The following KDM4C variants were observed in gnomAD, a reference collection of about 807,000 sequenced individuals.
The protein encoded by KDM4C is lysine-specific demethylase 4C.
Under a neutral mutation model 129.3 loss-of-function variants are expected in KDM4C, and 81 were observed. The ratio of observed to expected loss-of-function variants is 0.63; its 90% CI spans 0.52 to 0.75. The LOEUF is 0.75. KDM4C is among the 30% of genes least tolerant of loss of function. The pLI, the probability that KDM4C is intolerant of heterozygous loss-of-function variation, is 0.00. For synonymous variants in KDM4C, 573 were observed against 456.1 expected, an observed-to-expected ratio of 1.26 and a Z score of -3.26; for missense variants, 1,457 against 1,304.0, an observed-to-expected ratio of 1.12 and a Z score of -1.81.
At chr9:7,142,897 T>C (rs1263700236) in intron 19 of KDM4C, among the ~76,000 whole-genome samples, 1 of 152,188 alleles carries the variant, frequency 6.6e-6, no homozygotes, top group Non-Finnish European at 1.5e-5. Context: ...TTCATTTGAA[T>C]GCACCTGGCA....
intron 20 of KDM4C, among the ~76,000 whole-genome samples, chr9:7,165,676 G>A (rs532594595): frequency 1.5e-4 from 23 of 152,190 alleles, no homozygotes; most frequent in Admixed American, 5.2e-4. Context: ...CTAGTTGGCC[G>A]ATTCATCTAA....
intron 8 of KDM4C, among the ~76,000 whole-genome samples, chr9:6,901,635 TAGAA>T (rs1817429936): frequency 6.6e-6 from 1 of 152,180 alleles, no homozygotes. Flanking sequence ...GGCCAACTGT[TAGAA>T]AGGCTGGAAA....
At chr9:6,966,603 G>T (rs368320910) in intron 8 of KDM4C, among the ~76,000 whole-genome samples, 10 of 152,306 alleles carry the variant, frequency 6.6e-5, no homozygotes, top group African/African-American at 2.4e-4. Flanking sequence ...GAATAAATCT[G>T]TATGTAGATC....
intron 17 of KDM4C, among the ~76,000 whole-genome samples, chr9:7,097,314 C>T (rs139144756): frequency 1.4e-4 from 21 of 152,350 alleles, no homozygotes; most frequent in African/African-American, 5.0e-4. Flanking sequence ...AGCATCTAAA[C>T]TCCGAGAAAT....
intron 8 of KDM4C, among the ~76,000 whole-genome samples, chr9:6,915,292 G>C (rs1820100807): frequency 6.6e-6 from 1 of 152,160 alleles, no homozygotes; most frequent in African/African-American, 2.4e-5. Flanking sequence ...AAGAGAGTTT[G>C]TTTTAGGTGC....
intron 18 of KDM4C, among the ~76,000 whole-genome samples, chr9:7,113,361 T>C (rs987039332): frequency 3.3e-5 from 5 of 152,230 alleles, no homozygotes; most frequent in African/African-American, 4.8e-5. Context: ...TCAGAACCTA[T>C]CTTTCTCTTA....
At chr9:6,975,210 G>T (rs1393263284) in intron 8 of KDM4C, among the ~76,000 whole-genome samples, 1 of 152,168 alleles carries the variant, frequency 6.6e-6, no homozygotes, top group African/African-American at 2.4e-5. Context: ...AGAAGTGGGA[G>T]GAGGGAAAGA....
upstream of KDM4C, among the ~76,000 whole-genome samples, chr9:6,753,109 G>A (rs1255661019): frequency 6.6e-6 from 1 of 152,150 alleles, no homozygotes; most frequent in Non-Finnish European, 1.5e-5. Context: ...TACCCCAATG[G>A]ATGGTTTGGT....
At chr9:7,153,089 A>T (rs1298729634) in intron 19 of KDM4C, among the ~76,000 whole-genome samples, 1 of 152,162 alleles carries the variant, frequency 6.6e-6, no homozygotes, top group Non-Finnish European at 1.5e-5. Flanking sequence ...AGAATTACTC[A>T]TAAAAATACT....
intron 1 of KDM4C, among the ~76,000 whole-genome samples, chr9:6,743,732 C>G (rs1442713734): frequency 6.6e-6 from 1 of 152,088 alleles, no homozygotes; most frequent in Non-Finnish European, 1.5e-5. Flanking sequence ...GTTTGGAACT[C>G]CTGGTCTCAA....
In KDM4C at chr9:7,013,989, C is replaced by T. The variant is rs776351428; in HGVS notation, c.2170C>T (p.Arg724Trp). ...LLISCAKCCV[R>W]VHASCYGIPS... ...TATTTCCTGTGCAAAGTGCTGCGTA[C>T]GGGTTCATGCAAGTAAATGGATCTA... The change falls in exon 14 of 22, where the codon CGG (arginine) becomes TGG (tryptophan). Residue 724 changes from arginine to tryptophan, a missense_variant. Physicochemically the swap from Arg to Trp is moderately radical, Grantham distance 101. Transcript: ENST00000381309. The T allele has an allele frequency of 6.8e-6, 11 of 1,611,922 alleles. No individual in the cohort carries two copies. Among genetic ancestry groups the T allele is most frequent in the African/African-American group, 1.3e-5 (1 of 74,816 alleles).
At chr9:6,979,325 A>G (rs773616211) in intron 8 of KDM4C, among the ~76,000 whole-genome samples, 1 of 152,206 alleles carries the variant, frequency 6.6e-6, no homozygotes, top group Non-Finnish European at 1.5e-5. Flanking sequence ...TTAGGTTCAG[A>G]GGAACAGTTG....
Position 6,910,161 on chromosome 9 carries a change from C to T in KDM4C, c.921+16929C>T, listed in dbSNP as rs142356432. 3.0e-3 allele frequency among the ~76,000 whole-genome samples: 462 copies of T among 152,146 alleles called. 1 individual carries two copies. Among genetic ancestry groups the T allele is most frequent in the African/African-American group, 0.011 (437 of 41,506 alleles). ...TGGTATGCTGCATGGTTTTTACCTT[C>T]AGATGCCATGAGGTTATGAGTTACT... is the stretch of plus-strand genomic sequence containing the variant. On this transcript the variant is annotated intron_variant, in intron 8 of 21. Coordinates refer to ENST00000381309, the MANE Select transcript of KDM4C (RefSeq NM_015061.6).
intron 15 of KDM4C, among the ~76,000 whole-genome samples, chr9:7,045,519 C>T (rs1311212196): frequency 1.3e-5 from 2 of 151,908 alleles, no homozygotes; most frequent in Non-Finnish European, 2.9e-5. Context: ...TTCTCATTTT[C>T]AGTATTTGGA....
chr9:7,078,349 G>A (rs539289006), intron 17 of KDM4C, among the ~76,000 whole-genome samples: 10 of 151,040 alleles, frequency 6.6e-5, no homozygotes, highest in Non-Finnish European at 1.3e-4. Flanking sequence ...CAGTAGGAAG[G>A]ACATGGACAC....
intron 8 of KDM4C, among the ~76,000 whole-genome samples, chr9:6,918,392 G>A (rs1209224449): frequency 6.6e-6 from 1 of 152,152 alleles, no homozygotes; most frequent in Non-Finnish European, 1.5e-5. Context: ...TGACGTGTAT[G>A]TACCATATTT....
At chr9:6,781,715 C>G (rs145431251) in intron 1 of KDM4C, among the ~76,000 whole-genome samples, 1 of 152,218 alleles carries the variant, frequency 6.6e-6, no homozygotes, top group African/African-American at 2.4e-5. Context: ...TTGGCCTCAG[C>G]TGGGAATGTG....
chr9:6,953,770 C>T (rs1674907360), intron 8 of KDM4C, among the ~76,000 whole-genome samples: 1 of 152,110 alleles, frequency 6.6e-6, no homozygotes, highest in Non-Finnish European at 1.5e-5. Flanking sequence ...CACTGATTTT[C>T]CTAATATGCC....
At chr9:6,865,826 C>G (rs1203011396) in intron 5 of KDM4C, among the ~76,000 whole-genome samples, 1 of 152,100 alleles carries the variant, frequency 6.6e-6, no homozygotes, top group Non-Finnish European at 1.5e-5. Flanking sequence ...TCTCTGCTCA[C>G]TGCAAGCTCT....
Sources: gnomAD v4.1 joint callset for allele counts (sites outside exome capture counted in the v4.1 genomes callset) on GRCh38, gnomAD v4.1.1 for gene constraint, MANE v1.5 for transcripts, NCBI Gene and HGNC (gene_info 2026-07-23, HGNC 2026-07-21) for gene names.